The following IGF2BP2 variants were observed in gnomAD, a reference collection of about 807,000 sequenced individuals.
IGF2BP2 encodes insulin like growth factor 2 mRNA binding protein 2.
IGF2BP2 carries 17 observed loss-of-function variants against 75.8 expected under a neutral mutation model. That is an observed-to-expected ratio of 0.22 (90% confidence interval 0.15 to 0.34). The LOEUF (loss-of-function observed/expected upper bound fraction) is 0.34, where lower values mean the gene tolerates loss of function less well. IGF2BP2 is among the 10% of genes least tolerant of loss of function. The pLI is 1.00. For synonymous variants in IGF2BP2, 288 were observed against 295.6 expected, an observed-to-expected ratio of 0.97 and a Z score of 0.26; for missense variants, 516 against 772.4, an observed-to-expected ratio of 0.67 and a Z score of 3.93.
intron 2 of IGF2BP2, among the ~76,000 whole-genome samples, chr3:185,778,597 C>T (rs1734821949): frequency 6.6e-6 from 1 of 152,192 alleles, no homozygotes; most frequent in Non-Finnish European, 1.5e-5. Context: ...CAGCTAGTCA[C>T]AGTCTCATTA....
intron 7 of IGF2BP2, among the ~76,000 whole-genome samples, chr3:185,678,904 G>C (rs897467779): frequency 1.3e-5 from 2 of 151,988 alleles, no homozygotes; most frequent in African/African-American, 4.8e-5. Flanking sequence ...TAACAGTTTT[G>C]TTTTTAGTCT....
intron 12 of IGF2BP2, among the ~76,000 whole-genome samples, chr3:185,656,273 G>A (rs1258062985): frequency 1.3e-5 from 2 of 152,208 alleles, no homozygotes; most frequent in Non-Finnish European, 2.9e-5. Context: ...TGGGCACAAG[G>A]GCCCCCACAC....
At chr3:185,703,447 G>A (rs1441608104) in intron 2 of IGF2BP2, among the ~76,000 whole-genome samples, 1 of 151,958 alleles carries the variant, frequency 6.6e-6, no homozygotes, top group African/African-American at 2.4e-5. Context: ...AATCAGCTGG[G>A]GAAATAAAAT....
chr3:185,748,836 A>G (rs1293496151), intron 2 of IGF2BP2, among the ~76,000 whole-genome samples: 1 of 152,244 alleles, frequency 6.6e-6, no homozygotes, highest in Non-Finnish European at 1.5e-5. Flanking sequence ...AAATTGTTTT[A>G]AAGTAAAAAT....
At chr3:185,764,266 C>T (rs1348950803) in intron 2 of IGF2BP2, among the ~76,000 whole-genome samples, 1 of 152,092 alleles carries the variant, frequency 6.6e-6, no homozygotes. Context: ...TCCTTTCAGT[C>T]TTTTCTGTCT....
At chr3:185,707,573 C>CT (rs1257450427) in intron 2 of IGF2BP2, among the ~76,000 whole-genome samples, 2 of 151,842 alleles carry the variant, frequency 1.3e-5, no homozygotes, top group African/African-American at 4.8e-5. Context: ...TCCCAAAGTG[C>CT]TGGGATTACA....
intron 6 of IGF2BP2, chr3:185,688,981 G>A (rs1721533345): frequency 5.5e-6 from 1 of 183,188 alleles, no homozygotes; most frequent in Non-Finnish European, 1.1e-5. Flanking sequence ...TCACAAGAAT[G>A]GCCACCCCCA....
intron 2 of IGF2BP2, among the ~76,000 whole-genome samples, chr3:185,795,056 C>A (rs1395740485): frequency 6.6e-6 from 1 of 152,072 alleles, no homozygotes; most frequent in Non-Finnish European, 1.5e-5. Flanking sequence ...CACCACCTCG[C>A]CCGGCTACTT....
chr3:185,670,182 A>G (rs1718302809), intron 10 of IGF2BP2, among the ~76,000 whole-genome samples: 1 of 152,236 alleles, frequency 6.6e-6, no homozygotes, highest in African/African-American at 2.4e-5. Context: ...CAGGAAACAC[A>G]TATTTTAGCA....
At chr3:185,661,598 A>ACTGCACT (rs2149124696) in intron 10 of IGF2BP2, among the ~76,000 whole-genome samples, 1 of 144,454 alleles carries the variant, frequency 6.9e-6, no homozygotes, top group South Asian at 2.2e-4. Context: ...AGATCATGCC[A>ACTGCACT]CTGCACTCCA....
At chr3:185,690,655 T>C (rs1721824526) in intron 5 of IGF2BP2, among the ~76,000 whole-genome samples, 2 of 152,210 alleles carry the variant, frequency 1.3e-5, no homozygotes, top group Non-Finnish European at 1.5e-5. Flanking sequence ...ACAGGACAAA[T>C]TCCTAGTAGA....
Position 185,675,379 on chromosome 3 carries a change from T to C in IGF2BP2, c.988A>G (p.Thr330Ala), listed in dbSNP as rs1432601970. ...NPERTITVKG[T>A]VEACASAEIE... is the part of the protein sequence containing the mutation. ...TCAGCACTGGCACAGGCCTCAACTG[T>C]GCCCTTCACAGTGATGGTTCTTTCC... The change falls in exon 9 of 16, where the codon ACA becomes GCA. Residue 330 changes from threonine (T) to alanine (A), a missense_variant. By Grantham distance (58) the Thr-to-Ala change is moderately conservative. Transcript: ENST00000382199. 19 of 1,613,044 alleles carry C rather than the reference T, an allele frequency of 1.2e-5. No homozygotes were observed. The highest frequency in any genetic ancestry group is 1.6e-5 in the Non-Finnish European group (19 of 1,179,696).
chr3:185,757,112 A>G (rs1731723608), intron 2 of IGF2BP2, among the ~76,000 whole-genome samples: 1 of 152,196 alleles, frequency 6.6e-6, no homozygotes, highest in South Asian at 2.1e-4. Context: ...CATTATGCAC[A>G]CTTGTGTTTC....
chr3:185,741,875 C>T (rs1173080443), intron 2 of IGF2BP2, among the ~76,000 whole-genome samples: 3 of 140,746 alleles, frequency 2.1e-5, no homozygotes, highest in Non-Finnish European at 4.6e-5. Flanking sequence ...CTAGAATTTG[C>T]CTTGAATGTA....
intron 2 of IGF2BP2, chr3:185,729,785 T>C (rs1169008142): frequency 6.6e-6 from 1 of 152,196 alleles, no homozygotes; most frequent in Non-Finnish European, 1.5e-5. Flanking sequence ...TCTTTGCCAA[T>C]TACATATCTG....
chr3:185,648,195 G>A lies in IGF2BP2; in HGVS notation c.1594-1057C>T, dbSNP rs375192299. On this transcript the variant is annotated intron_variant, in intron 14 of 15. Coordinates refer to ENST00000382199, the MANE Select transcript of IGF2BP2 (RefSeq NM_006548.6). ...ACAACAGCTGGGTGTGGTGGCTCAC[G>A]CCTGTAATCCCAGCACTTTGGGAGG... Among the ~76,000 whole-genome samples the A allele has an allele frequency of 2.6e-5, 4 of 152,306 alleles. No homozygotes were observed. In the East Asian group the frequency reaches 5.8e-4, roughly 22 times the overall value.
chr3:185,682,691 T>C (rs1306585434), intron 7 of IGF2BP2, among the ~76,000 whole-genome samples: 1 of 152,176 alleles, frequency 6.6e-6, no homozygotes, highest in Non-Finnish European at 1.5e-5. Flanking sequence ...AGATGCTCAA[T>C]ATCACCAATC....
chr3:185,707,107 C>T (rs969987309), intron 2 of IGF2BP2, among the ~76,000 whole-genome samples: 25 of 151,702 alleles, frequency 1.6e-4, no homozygotes, highest in African/African-American at 5.8e-4. Context: ...CGCCTGTAAT[C>T]CCAGTTACTC....
intron 2 of IGF2BP2, among the ~76,000 whole-genome samples, chr3:185,775,245 A>C (rs935008432): frequency 1.3e-5 from 2 of 152,252 alleles, no homozygotes; most frequent in African/African-American, 4.8e-5. Flanking sequence ...GATGGCAGTA[A>C]TAACTGTTGA....
Sources: allele counts gnomAD v4.1 joint callset (sites outside exome capture counted in the v4.1 genomes callset), GRCh38; gene constraint gnomAD v4.1.1; transcripts MANE v1.5; gene names NCBI Gene and HGNC (gene_info 2026-07-23, HGNC 2026-07-21).